FOXP1: variants seen among roughly 807,000 people sequenced by gnomAD.
FOXP1 encodes forkhead box protein P1.
FOXP1 carries 15 observed loss-of-function variants against 98.2 expected under a neutral mutation model. That is an observed-to-expected ratio of 0.15 (90% CI 0.10 to 0.24). The LOEUF is 0.24. Among genes scored for constraint, FOXP1 ranks in the 10% least tolerant of loss-of-function variants. The probability of loss-of-function intolerance (pLI) is 1.00; values close to 1 mark genes in which losing one functional copy is unlikely to be tolerated. For synonymous variants in FOXP1, 371 were observed against 314.5 expected (o/e 1.18, Z -1.90); for missense variants, 633 against 848.5 (o/e 0.75, Z 3.15).
chr3:71,405,186 C>T (rs1033203994), intron 3 of FOXP1, among the ~76,000 whole-genome samples: 3 of 152,190 alleles, frequency 2.0e-5, no homozygotes, highest in Non-Finnish European at 4.4e-5. Flanking sequence ...TCCAGGCTCC[C>T]ATGTTTAGTC....
intron 5 of FOXP1, among the ~76,000 whole-genome samples, chr3:71,292,235 G>C (rs1441373343): frequency 6.6e-6 from 1 of 152,308 alleles, no homozygotes; most frequent in African/African-American, 2.4e-5. Context: ...AGGAAAGAGT[G>C]AGCATGTAAG....
chr3:71,222,327 C>A (rs1340950261), intron 5 of FOXP1, among the ~76,000 whole-genome samples: 1 of 152,186 alleles, frequency 6.6e-6, no homozygotes, highest in African/African-American at 2.4e-5. Context: ...GACATGGAGG[C>A]CACTTTGAAA....
At chr3:71,334,328 A>C (rs2076539932) in intron 4 of FOXP1, 1 of 152,198 alleles carries the variant, frequency 6.6e-6, no homozygotes, top group Non-Finnish European at 1.5e-5. Flanking sequence ...GAATCGTTTG[A>C]ACCTGGGAGG....
chr3:71,120,808 G>A (rs1311102479), intron 6 of FOXP1, among the ~76,000 whole-genome samples: 1 of 152,154 alleles, frequency 6.6e-6, no homozygotes, highest in Non-Finnish European at 1.5e-5. Flanking sequence ...TCCAATGTTA[G>A]GTTTCACATA....
chr3:71,003,573 T>A (rs903499490), intron 12 of FOXP1, among the ~76,000 whole-genome samples: 12 of 152,146 alleles, frequency 7.9e-5, no homozygotes, highest in Admixed American at 7.9e-4. Context: ...TGCGTGATTA[T>A]TTTATACTGC....
intron 7 of FOXP1, among the ~76,000 whole-genome samples, chr3:71,094,226 T>G (rs1278669294): frequency 2.0e-5 from 3 of 152,048 alleles, no homozygotes; most frequent in Non-Finnish European, 4.4e-5. Context: ...AATAAAGCTA[T>G]AGTTGTGGAC....
chr3:71,156,280 G>A (rs1050327923), intron 6 of FOXP1, among the ~76,000 whole-genome samples: 2 of 152,104 alleles, frequency 1.3e-5, no homozygotes, highest in African/African-American at 2.4e-5. Flanking sequence ...CCTCATTCCT[G>A]CTCTCTTACC....
At chr3:70,983,721 C>T (rs904759078) in intron 14 of FOXP1, among the ~76,000 whole-genome samples, 1 of 152,196 alleles carries the variant, frequency 6.6e-6, no homozygotes, top group African/African-American at 2.4e-5. Context: ...AAGCGTTCTT[C>T]TCATGTACTC....
intron 6 of FOXP1, among the ~76,000 whole-genome samples, chr3:71,119,507 T>TA (rs999134060): frequency 7.2e-4 from 109 of 151,488 alleles, no homozygotes; most frequent in Admixed American, 3.4e-3. Context: ...GAAAAGCTTG[T>TA]AAAAAAAAAG....
At chr3:71,145,730 T>C (rs2060279557) in intron 6 of FOXP1, among the ~76,000 whole-genome samples, 2 of 152,310 alleles carry the variant, frequency 1.3e-5, no homozygotes, top group Admixed American at 6.5e-5. Flanking sequence ...CCTATTTTTT[T>C]CCCTTTCCCT....
intron 3 of FOXP1, among the ~76,000 whole-genome samples, chr3:71,420,868 G>A (rs746494109): frequency 3.3e-5 from 5 of 151,922 alleles, no homozygotes; most frequent in South Asian, 4.2e-4. Context: ...CACCATGCCC[G>A]GCTAATTTTT....
At chr3:71,036,713 T>C (rs969925352) in intron 11 of FOXP1, among the ~76,000 whole-genome samples, 7 of 152,214 alleles carry the variant, frequency 4.6e-5, no homozygotes, top group African/African-American at 1.7e-4. Context: ...GTTCTTTATG[T>C]GCTGTTTCAG....
chr3:71,438,352 C>CA (rs1426142532), intron 3 of FOXP1, among the ~76,000 whole-genome samples: 1 of 152,134 alleles, frequency 6.6e-6, no homozygotes, highest in Non-Finnish European at 1.5e-5. Context: ...GGATTGCTTT[C>CA]AAAAATGTGA....
At chr3:71,338,491 A>C (rs1389617274) in intron 4 of FOXP1, among the ~76,000 whole-genome samples, 1 of 152,162 alleles carries the variant, frequency 6.6e-6, no homozygotes, top group Non-Finnish European at 1.5e-5. Flanking sequence ...TCACCCAGGC[A>C]ATCTCGGCTC....
intron 5 of FOXP1, among the ~76,000 whole-genome samples, chr3:71,257,042 G>T (rs1324371014): frequency 6.6e-6 from 1 of 152,154 alleles, no homozygotes; most frequent in Non-Finnish European, 1.5e-5. Flanking sequence ...TGTGACCAAA[G>T]AACTCAAGCA....
intron 19 of FOXP1, among the ~76,000 whole-genome samples, chr3:70,967,635 CTTTCTTTTTG>C (rs1193669882): frequency 5.9e-5 from 6 of 102,420 alleles, no homozygotes; most frequent in African/African-American, 2.3e-4. Flanking sequence ...TTTTTTCTTT[CTTTCTTTTTG>C]TTTTTTTTTT....
intron 3 of FOXP1, among the ~76,000 whole-genome samples, chr3:71,411,090 T>C (rs1310137053): frequency 6.6e-6 from 1 of 152,336 alleles, no homozygotes; most frequent in Admixed American, 6.5e-5. Context: ...CACAACAGGA[T>C]ATAAAATAAC....
chr3:71,379,412 CAT>C lies in FOXP1; in HGVS notation c.-167-20170_-167-20169del, dbSNP rs2079973847. Among the ~76,000 whole-genome samples, 3 of 152,274 alleles carry C rather than the reference CAT, an allele frequency of 2.0e-5. No individual in the cohort carries two copies. In the South Asian group the frequency reaches 6.2e-4, roughly 32 times the overall value. On this transcript the variant is annotated intron_variant, in intron 3 of 20. Coordinates refer to ENST00000649528, the MANE Select transcript of FOXP1 (RefSeq NM_001349338.3). ...TTGGGTGCTGGTCTAATGCCTAACA[CAT>C]GTTAAAGTCCATTTTTAACAAAGCG...
intron 2 of FOXP1, among the ~76,000 whole-genome samples, chr3:71,549,480 T>C (rs1361150864): frequency 6.6e-6 from 1 of 152,208 alleles, no homozygotes; most frequent in East Asian, 1.9e-4. Flanking sequence ...GTTCAAGCGA[T>C]TCTCCTGCCT....
Sources: allele counts gnomAD v4.1 joint callset (sites outside exome capture counted in the v4.1 genomes callset), GRCh38; gene constraint gnomAD v4.1.1; transcripts MANE v1.5; gene names NCBI Gene and HGNC (gene_info 2026-07-23, HGNC 2026-07-21).